ARL15: variants seen among roughly 807,000 people sequenced by gnomAD.
ARL15 encodes the protein ADP-ribosylation factor-like protein 15.
A neutral mutation model predicts 25.2 loss-of-function variants in ARL15; 19 were observed. The ratio of observed to expected loss-of-function variants is 0.75; its 90% CI spans 0.53 to 1.10. The LOEUF (loss-of-function observed/expected upper bound fraction) is 1.10. Among genes scored for constraint, ARL15 ranks in the 50% least tolerant of loss-of-function variants. The probability of loss-of-function intolerance (pLI) is 0.00; values close to 1 mark genes in which losing one functional copy is unlikely to be tolerated. For missense variants in ARL15, 220 were observed against 246.0 expected (o/e 0.89, Z 0.71); for synonymous variants, 94 against 86.8 (o/e 1.08, Z -0.46).
intron 1 of ARL15, among the ~76,000 whole-genome samples, chr5:54,280,135 C>A (rs1758019167): frequency 6.6e-6 from 1 of 152,172 alleles, no homozygotes; most frequent in Non-Finnish European, 1.5e-5. Flanking sequence ...AAATTCTTCC[C>A]CATCCCTCCT....
chr5:54,082,484 T>A (rs1442295207), intron 4 of ARL15, among the ~76,000 whole-genome samples: 1 of 152,212 alleles, frequency 6.6e-6, no homozygotes, highest in Admixed American at 6.5e-5. Context: ...TACTCACATT[T>A]GGAAGGAAAA....
At chr5:54,180,075 A>G (rs1367352580) in intron 1 of ARL15, among the ~76,000 whole-genome samples, 1 of 151,902 alleles carries the variant, frequency 6.6e-6, no homozygotes, top group Non-Finnish European at 1.5e-5. Flanking sequence ...TCCAACCCTA[A>G]GCACAGCAGT....
At chr5:53,931,738 A>G (rs1266371371) in intron 4 of ARL15, among the ~76,000 whole-genome samples, 3 of 152,204 alleles carry the variant, frequency 2.0e-5, no homozygotes, top group Admixed American at 6.5e-5. Context: ...AACCAAACAC[A>G]ATGAGAATAA....
chr5:53,907,140 C>A (rs755445111), intron 4 of ARL15, among the ~76,000 whole-genome samples: 3 of 152,002 alleles, frequency 2.0e-5, no homozygotes, highest in Admixed American at 6.6e-5. Context: ...AGCTTCCTAG[C>A]AGGGGACTTA....
At chr5:53,901,278 G>A (rs892826412) in intron 4 of ARL15, among the ~76,000 whole-genome samples, 2 of 151,946 alleles carry the variant, frequency 1.3e-5, no homozygotes, top group East Asian at 3.9e-4. Context: ...CTGTATTTGG[G>A]GTAATATTCA....
chr5:53,957,980 C>T (rs185183251), intron 4 of ARL15, among the ~76,000 whole-genome samples: 12 of 152,104 alleles, frequency 7.9e-5, no homozygotes, highest in Middle Eastern at 3.4e-3. Flanking sequence ...GAGGCCAAGG[C>T]GGGTGGATCA....
chr5:53,907,475 T>TATATAC (rs1554025265), intron 4 of ARL15, among the ~76,000 whole-genome samples: 8 of 29,702 alleles, frequency 2.7e-4, no homozygotes, highest in African/African-American at 1.1e-3. Context: ...TATATATATA[T>TATATAC]ATATATATAT....
intron 1 of ARL15, among the ~76,000 whole-genome samples, chr5:54,229,470 A>G (rs1262117823): frequency 6.6e-6 from 1 of 152,180 alleles, no homozygotes; most frequent in Non-Finnish European, 1.5e-5. Context: ...AATTTGCTGT[A>G]GTGGAGTATT....
At chr5:54,211,990 G>C (rs552284897) in intron 1 of ARL15, among the ~76,000 whole-genome samples, 2 of 152,138 alleles carry the variant, frequency 1.3e-5, no homozygotes, top group African/African-American at 4.8e-5. Context: ...CATTAGGAAT[G>C]TGTCTGGCTA....
intron 4 of ARL15, among the ~76,000 whole-genome samples, chr5:53,920,363 A>C (rs916836780): frequency 2.6e-5 from 4 of 152,036 alleles, no homozygotes; most frequent in Non-Finnish European, 5.9e-5. Flanking sequence ...CTTTCATAAT[A>C]TATGTTCTTG....
intron 4 of ARL15, among the ~76,000 whole-genome samples, chr5:54,021,792 G>C (rs550573969): frequency 6.6e-6 from 1 of 152,228 alleles, no homozygotes; most frequent in Non-Finnish European, 1.5e-5. Context: ...GAAGTTTAGA[G>C]AACCTCAAAC....
chr5:53,946,455 G>GAAAAAAAAAAAAAA (rs55727717), intron 4 of ARL15, among the ~76,000 whole-genome samples: 4 of 43,954 alleles, frequency 9.1e-5, no homozygotes, highest in Non-Finnish European at 1.2e-4. Context: ...GTCTCAAGAG[G>GAAAAAAAAAAAAAA]AAAAAAAAAA....
chr5:54,048,403 ATATATTTTT>A (rs1750598212), intron 4 of ARL15: 2 of 80,432 alleles, frequency 2.5e-5, no homozygotes, highest in African/African-American at 1.1e-4. Flanking sequence ...TTATATATAT[ATATATTTTT>A]TTTTTTTTGA....
intron 4 of ARL15, among the ~76,000 whole-genome samples, chr5:53,909,753 C>A (rs1026376057): frequency 1.3e-5 from 2 of 152,138 alleles, no homozygotes; most frequent in Middle Eastern, 3.4e-3. Context: ...AAAACATACA[C>A]ATGAACACAT....
chr5:54,011,575 C>A (rs950920982), intron 4 of ARL15, among the ~76,000 whole-genome samples: 4 of 152,132 alleles, frequency 2.6e-5, no homozygotes, highest in African/African-American at 9.7e-5. Flanking sequence ...TTTTTAACTT[C>A]TTTCCCAGAA....
intron 4 of ARL15, among the ~76,000 whole-genome samples, chr5:53,919,575 A>G (rs904873592): frequency 1.5e-4 from 23 of 152,196 alleles, no homozygotes; most frequent in Non-Finnish European, 1.8e-4. Context: ...AAGGAAAAAA[A>G]GGAAAGGTTT....
intron 1 of ARL15, among the ~76,000 whole-genome samples, chr5:54,184,112 G>C (rs1164349536): frequency 1.6e-5 from 1 of 63,372 alleles, no homozygotes; most frequent in Non-Finnish European, 2.9e-5. Context: ...GGTGGGGGGA[G>C]GGGGGAGGGA....
At chr5:54,138,002 C>T (rs1233007929) in intron 3 of ARL15, among the ~76,000 whole-genome samples, 3 of 152,086 alleles carry the variant, frequency 2.0e-5, no homozygotes, top group Non-Finnish European at 1.5e-5. Flanking sequence ...GGAAAATACG[C>T]AGCCAAATCA....
chr5:53,892,605 T>TTC (rs1309156354), intron 4 of ARL15, among the ~76,000 whole-genome samples: 1 of 151,590 alleles, frequency 6.6e-6, no homozygotes, highest in Non-Finnish European at 1.5e-5. Context: ...CTGTTACTTT[T>TTC]TTTTTTTTTT....
Sources: gnomAD v4.1 joint callset for allele counts (sites outside exome capture counted in the v4.1 genomes callset) on GRCh38, gnomAD v4.1.1 for gene constraint, MANE v1.5 for transcripts, NCBI Gene and HGNC (gene_info 2026-07-23, HGNC 2026-07-21) for gene names.